ARHGAP6: variants seen among roughly 807,000 people sequenced by gnomAD.
ARHGAP6 encodes the protein rho GTPase-activating protein 6.
Under a neutral mutation model 55.7 loss-of-function variants are expected in ARHGAP6, and 16 were observed. That is an observed-to-expected ratio of 0.29 (90% CI 0.19 to 0.44). The LOEUF is 0.44. Among genes scored for constraint, ARHGAP6 ranks in the 20% least tolerant of loss-of-function variants. ARHGAP6 has a pLI of 1.00. For missense variants in ARHGAP6, 698 were observed against 808.9 expected (o/e 0.86, Z 1.66); for synonymous variants, 382 against 360.9 (o/e 1.06, Z -0.66).
intron 1 of ARHGAP6, among the ~76,000 whole-genome samples, chrX:11,356,038 T>G (rs917119658): frequency 5.4e-5 from 6 of 111,850 alleles, no homozygotes; most frequent in South Asian, 7.5e-4. Context: ...CATGCTGGAA[T>G]GATGTTTTAT....
chrX:11,614,240 T>C (rs1174779148), intron 1 of ARHGAP6, among the ~76,000 whole-genome samples: 2 of 111,889 alleles, frequency 1.8e-5, no homozygotes, highest in African/African-American at 6.5e-5. Flanking sequence ...AAAGGGATTG[T>C]TTCAGTGTAG....
intron 1 of ARHGAP6, among the ~76,000 whole-genome samples, chrX:11,469,436 T>C (rs930445360): frequency 3.6e-5 from 4 of 112,556 alleles, no homozygotes; most frequent in Middle Eastern, 4.6e-3. Context: ...AGTACCATAC[T>C]ATACTCAAAT....
At chrX:11,224,725 G>T in intron 2 of ARHGAP6, among the ~76,000 whole-genome samples, 1 of 110,484 alleles carries the variant, frequency 9.1e-6, no homozygotes, top group Non-Finnish European at 1.9e-5. Flanking sequence ...CGGAGCACAT[G>T]GGGGTGGGCA....
At chrX:11,357,441 G>A (rs769743909) in intron 1 of ARHGAP6, among the ~76,000 whole-genome samples, 3 of 111,239 alleles carry the variant, frequency 2.7e-5, no homozygotes, top group Non-Finnish European at 3.8e-5. Context: ...GATGGAAAAT[G>A]TTTTCTCTTT....
intron 1 of ARHGAP6, among the ~76,000 whole-genome samples, chrX:11,548,297 T>C (rs1280576393): frequency 4.5e-5 from 5 of 111,900 alleles, no homozygotes; most frequent in African/African-American, 6.5e-5. Flanking sequence ...TTTTGACATA[T>C]ACAATAAGTT....
chrX:11,197,857 A>T (rs980846770), intron 2 of ARHGAP6, among the ~76,000 whole-genome samples: 9 of 112,110 alleles, frequency 8.0e-5, no homozygotes, highest in Non-Finnish European at 1.7e-4. Context: ...CATCATTGCC[A>T]GAATGCGTTT....
chrX:11,260,401 A>C (rs1298868027), intron 1 of ARHGAP6, among the ~76,000 whole-genome samples: 1 of 111,880 alleles, frequency 8.9e-6, no homozygotes, highest in Non-Finnish European at 1.9e-5. Flanking sequence ...TTGACCTTCC[A>C]TCAGATTCTT....
chrX:11,195,511 A>AT (rs2046520687), intron 3 of ARHGAP6, among the ~76,000 whole-genome samples: 1 of 111,352 alleles, frequency 9.0e-6, no homozygotes, highest in Admixed American at 9.6e-5. Context: ...AAACAGTAAG[A>AT]TGAGAGTAAA....
chrX:11,342,880 C>T (rs902508975), intron 1 of ARHGAP6, among the ~76,000 whole-genome samples: 1 of 112,144 alleles, frequency 8.9e-6, no homozygotes, highest in Non-Finnish European at 1.9e-5. Context: ...TACAAAACAC[C>T]ATGTCACTGC....
At chrX:11,348,753 G>T (rs1433729589) in intron 1 of ARHGAP6, among the ~76,000 whole-genome samples, 3 of 111,173 alleles carry the variant, frequency 2.7e-5, no homozygotes, top group Non-Finnish European at 5.7e-5. Flanking sequence ...AGGCTTAAGC[G>T]ATTCTCCCGC....
chrX:11,210,880 T>C (rs1386225559), intron 2 of ARHGAP6, among the ~76,000 whole-genome samples: 2 of 111,878 alleles, frequency 1.8e-5, no homozygotes, highest in East Asian at 2.8e-4. Context: ...ACTATTATTA[T>C]GAAAAACAAA....
At chrX:11,594,362 C>T (rs2051875591) in intron 1 of ARHGAP6, among the ~76,000 whole-genome samples, 1 of 112,014 alleles carries the variant, frequency 8.9e-6, no homozygotes, top group Admixed American at 9.5e-5. Context: ...ATAATAAATG[C>T]TATTTTAAAT....
intron 1 of ARHGAP6, chrX:11,265,901 A>T (rs1168254456): frequency 3.1e-6 from 3 of 952,816 alleles, no homozygotes; most frequent in Non-Finnish European, 4.0e-6. Context: ...GCTACTGTGA[A>T]TCTTGGGACC....
chrX:11,377,260 A>G (rs1187438830), intron 1 of ARHGAP6, among the ~76,000 whole-genome samples: 1 of 112,502 alleles, frequency 8.9e-6, no homozygotes, highest in African/African-American at 3.2e-5. Flanking sequence ...TAATTGAATC[A>G]AGAACACAGA....
chrX:11,588,419 A>G (rs2051761396), intron 1 of ARHGAP6, among the ~76,000 whole-genome samples: 1 of 111,865 alleles, frequency 8.9e-6, no homozygotes, highest in African/African-American at 3.3e-5. Context: ...ATTCCTAGGT[A>G]TATACCCAAG....
chrX:11,254,755 T>A (rs754681549), intron 1 of ARHGAP6, 48 bp from the exon 2 acceptor site: 5 of 1,060,627 alleles, frequency 4.7e-6, no homozygotes, highest in East Asian at 6.5e-5. Context: ...GTTACAGAGT[T>A]CACTTACCTC....
intron 1 of ARHGAP6, among the ~76,000 whole-genome samples, chrX:11,261,653 C>A (rs1167620766): frequency 1.8e-5 from 2 of 111,181 alleles, no homozygotes; most frequent in Non-Finnish European, 1.9e-5. Flanking sequence ...GACTAAAGAC[C>A]TTGGCAGTTG....
intron 1 of ARHGAP6, among the ~76,000 whole-genome samples, chrX:11,624,919 A>T (rs771244453): frequency 6.4e-4 from 71 of 111,667 alleles, no homozygotes; most frequent in Admixed American, 1.3e-3. Flanking sequence ...ACTCAACATC[A>T]CTAATCATCA....
intron 1 of ARHGAP6, among the ~76,000 whole-genome samples, chrX:11,395,563 C>A (rs1419713107): frequency 8.9e-6 from 1 of 112,119 alleles, no homozygotes; most frequent in African/African-American, 3.2e-5. Context: ...GAGATGCACA[C>A]AACTGGTTCT....
Sources: gnomAD v4.1 joint callset for allele counts (sites outside exome capture counted in the v4.1 genomes callset) on GRCh38, gnomAD v4.1.1 for gene constraint, MANE v1.5 for transcripts, NCBI Gene and HGNC (gene_info 2026-07-23, HGNC 2026-07-21) for gene names.